The following TMEM150B variants were observed in gnomAD, a reference collection of about 807,000 sequenced individuals.
The protein encoded by TMEM150B is modulator of macroautophagy TMEM150B.
TMEM150B carries 33 observed loss-of-function variants against 25.2 expected under a neutral mutation model. The ratio of observed to expected loss-of-function variants is 1.31; its 90% CI spans 0.99 to 1.75. The LOEUF is 1.75. Ranked by LOEUF, TMEM150B falls within the 40% of genes most tolerant of loss-of-function variation. The probability of loss-of-function intolerance (pLI) is 0.00; values close to 1 mark genes in which losing one functional copy is unlikely to be tolerated. For synonymous variants in TMEM150B, 133 were observed against 134.8 expected (o/e 0.99, Z 0.09); for missense variants, 322 against 306.1 (o/e 1.05, Z -0.39).
Position 55,320,939 on chromosome 19 carries a change from C to T in TMEM150B, c.68+30G>A, listed in dbSNP as rs768621839. On this transcript the variant is annotated intron_variant, in intron 3 of 7. Transcript: ENST00000326652. ...GCCCCAGCCCCCTCCACCCTCAGAC[C>T]CAGGAGTCCATCATGCCTCTGACAC... The T allele has an allele frequency of 9.9e-6, 16 of 1,611,546 alleles. No individual in the cohort carries two copies. The South Asian group carries it at 1.2e-4, about 12-fold the overall frequency.
chr19:55,317,187 C>T (rs1045091552), intron 6 of TMEM150B, among the ~76,000 whole-genome samples: 11 of 152,156 alleles, frequency 7.2e-5, no homozygotes, highest in African/African-American at 2.4e-4. Context: ...CAGTGATGGG[C>T]ACATAGTAGA....
At chr19:55,311,341 G>A (rs1006472595), downstream of TMEM150B, among the ~76,000 whole-genome samples, 1 of 152,110 alleles carries the variant, frequency 6.6e-6, no homozygotes, top group African/African-American at 2.4e-5. Context: ...GGAAATTGCT[G>A]GAGACCACCC....
downstream of TMEM150B, chr19:55,312,764 T>C (rs1167681182): frequency 7.6e-7 from 1 of 1,322,394 alleles, no homozygotes; most frequent in Non-Finnish European, 1.0e-6. Context: ...GTTGGAGAGA[T>C]CTCCAGTGGC....
intron 2 of TMEM150B, 96 bp downstream of exon 2, chr19:55,322,552 C>CACATT: frequency 2.2e-6 from 1 of 455,144 alleles, no homozygotes; most frequent in Non-Finnish European, 2.9e-6. Context: ...AGTGTTCAGT[C>CACATT]CTAGCTCACA....
At chr19:55,316,546 T>C (rs1272190458) in intron 7 of TMEM150B, among the ~76,000 whole-genome samples, 2 of 151,656 alleles carry the variant, frequency 1.3e-5, no homozygotes, top group Admixed American at 1.3e-4. Flanking sequence ...GACGAAACCA[T>C]TGACACCGAG....
downstream of TMEM150B, among the ~76,000 whole-genome samples, chr19:55,311,608 T>A (rs891026539): frequency 1.1e-4 from 16 of 152,058 alleles, no homozygotes; most frequent in Non-Finnish European, 2.4e-4. Flanking sequence ...ATAACCAGAA[T>A]CTGAGAGTCT....
intron 3 of TMEM150B, 62 bp downstream of exon 3, chr19:55,320,907 A>T (rs1292202410): frequency 3.8e-6 from 6 of 1,574,064 alleles, no homozygotes; most frequent in Non-Finnish European, 5.2e-6. Context: ...CAGACCCAGA[A>T]ATCCAGGCCC....
intron 6 of TMEM150B, among the ~76,000 whole-genome samples, chr19:55,319,188 T>G (rs894903281): frequency 2.0e-5 from 3 of 152,188 alleles, no homozygotes; most frequent in Non-Finnish European, 2.9e-5. Flanking sequence ...CTCGGCTCAA[T>G]GCAACCTCTG....
At chr19:55,315,973 C>T (rs894880956) in intron 7 of TMEM150B, among the ~76,000 whole-genome samples, 1 of 150,330 alleles carries the variant, frequency 6.7e-6, no homozygotes, top group African/African-American at 2.5e-5. Context: ...AAAGCAAATC[C>T]ATTTTATGGA....
chr19:55,312,973 G>A lies in TMEM150B; in HGVS notation c.588C>T (p.Phe196=), dbSNP rs376991751. The change falls in exon 8 of 8, where the codon TTC becomes TTT. Residue 196 remains phenylalanine, a synonymous_variant. Transcript: ENST00000326652. ...WVVAMLLFAL[F]GLLAVDFSAL... is the part of the protein sequence containing the mutation. ...CGGAGAAGTCAACGGCTAAGAGACC[G>A]AAGAGCGCGAACAGCAGCATGGCCA... The A allele has an allele frequency of 1.5e-5, 24 of 1,613,502 alleles. No individual in the cohort carries two copies. Among genetic ancestry groups the A allele is most frequent in the Middle Eastern group, 3.4e-4 (2 of 5,938 alleles).
chr19:55,324,693 C>T (rs562494128), intron 1 of TMEM150B: 4 of 971,782 alleles, frequency 4.1e-6, no homozygotes, highest in Admixed American at 6.2e-5. Flanking sequence ...AAAAATAAAT[C>T]CTGTCCCAGT....
chr19:55,321,240 C>T (rs2089200117), intron 2 of TMEM150B, 147 bp from the exon 3 acceptor site: 2 of 1,194,610 alleles, frequency 1.7e-6, no homozygotes, highest in African/African-American at 1.6e-5. Context: ...CCCCACCTAT[C>T]CCGCAGTGTT....
chr19:55,310,434 C>T (rs1330638986), downstream of TMEM150B, among the ~76,000 whole-genome samples: 1 of 152,156 alleles, frequency 6.6e-6, no homozygotes, highest in Non-Finnish European at 1.5e-5. The surrounding 1 kb of genome is among the most constrained non-coding windows in gnomAD (Gnocchi z 5.0). Flanking sequence ...AACTCGTGGT[C>T]CCTCACCTTC....
At chr19:55,312,248 CAG>C (rs908226383), downstream of TMEM150B, 121 of 395,702 alleles carry the variant, frequency 3.1e-4, 1 homozygote, top group African/African-American at 1.5e-3. Context: ...TCTAGGGGAA[CAG>C]GGGGCGGGGG....
At chr19:55,313,437 G>A (rs539713574) in intron 7 of TMEM150B, among the ~76,000 whole-genome samples, 57 of 134,712 alleles carry the variant, frequency 4.2e-4, no homozygotes, top group African/African-American at 1.3e-3. Flanking sequence ...CCTCCCTGCC[G>A]CCAGCCTCGG....
At chr19:55,320,281 G>T (rs1463053321) in intron 5 of TMEM150B, 110 bp downstream of exon 5, 1 of 1,502,912 alleles carries the variant, frequency 6.7e-7, no homozygotes, top group Admixed American at 2.1e-5. Flanking sequence ...CCCGGATTTT[G>T]GGGAAAGAGG....
At chr19:55,318,552 C>G (rs1207541930) in intron 6 of TMEM150B, among the ~76,000 whole-genome samples, 1 of 151,992 alleles carries the variant, frequency 6.6e-6, no homozygotes, top group East Asian at 1.9e-4. Flanking sequence ...AGGAGAATCG[C>G]TTGAACCCAG....
Position 55,320,429 on chromosome 19 carries a change from C to A in TMEM150B, c.158G>T (p.Cys53Phe). ...SICGSFPPQS[C>F]IFSQVLNMGA... ...CATATTGAGCACCTGGCTGAAGATGCAGCTCTGAGGGGGGAAGGATCCGCA... is the reference window on the plus strand; with the variant it reads ...CATATTGAGCACCTGGCTGAAGATGAAGCTCTGAGGGGGGAAGGATCCGCA... Residue 53 changes from cysteine (C) to phenylalanine (F), a missense_variant, in exon 5 of 8, where the codon TGC becomes TTC. Coordinates refer to ENST00000326652, the MANE Select transcript of TMEM150B (RefSeq NM_001282011.2). 6.3e-7 allele frequency: 1 copy of A among 1,580,888 alleles called. No individual in the cohort carries two copies. The highest frequency in any genetic ancestry group is 1.3e-5 in the African/African-American group (1 of 74,144).
At chr19:55,320,895 C>A in intron 3 of TMEM150B, 74 bp downstream of exon 3, 1 of 1,553,398 alleles carries the variant, frequency 6.4e-7, no homozygotes, top group Non-Finnish European at 8.7e-7. Flanking sequence ...CCCTTCCTCC[C>A]TCAGACCCAG....
Sources: gnomAD v4.1 joint callset for allele counts (sites outside exome capture counted in the v4.1 genomes callset) on GRCh38, gnomAD v4.1.1 for gene constraint, Gnocchi (gnomAD v3.1) non-coding constraint, MANE v1.5 for transcripts, NCBI Gene and HGNC (gene_info 2026-07-23, HGNC 2026-07-21) for gene names.